The following NELFB variants were observed in gnomAD, a reference collection of about 807,000 sequenced individuals.
NELFB encodes the protein negative elongation factor B.
NELFB carries 34 observed loss-of-function variants against 60.2 expected under a neutral mutation model. That is an observed-to-expected ratio of 0.56 (90% CI 0.43 to 0.75). The LOEUF is 0.75. NELFB is among the 30% of genes least tolerant of loss of function. The probability of loss-of-function intolerance (pLI) is 0.00; values close to 1 mark genes in which losing one functional copy is unlikely to be tolerated. For missense variants in NELFB, 770 were observed against 831.6 expected, an observed-to-expected ratio of 0.93 and a Z score of 0.91; for synonymous variants, 459 against 382.1, an observed-to-expected ratio of 1.20 and a Z score of -2.35.
intron 5 of NELFB, among the ~76,000 whole-genome samples, chr9:137,263,663 G>T (rs943065937): frequency 6.6e-6 from 1 of 151,774 alleles, no homozygotes; most frequent in African/African-American, 2.4e-5. Context: ...CCCTGATGGG[G>T]GAAGGAGGCT....
At chr9:137,256,798 C>G in intron 3 of NELFB, 26 bp from the exon 4 acceptor site, 1 of 1,607,578 alleles carries the variant, frequency 6.2e-7, no homozygotes, top group South Asian at 1.1e-5. Flanking sequence ...AGGTGCCACT[C>G]ACAGGCAGCC....
At chr9:137,256,171 C>A in intron 2 of NELFB, 101 bp downstream of exon 2, 1 of 1,425,802 alleles carries the variant, frequency 7.0e-7, no homozygotes, top group Admixed American at 1.7e-5. Flanking sequence ...CACATCCTTG[C>A]TCCCAGAGGT....
intron 6 of NELFB, among the ~76,000 whole-genome samples, chr9:137,265,065 G>C (rs1830501789): frequency 7.0e-6 from 1 of 142,620 alleles, no homozygotes; most frequent in Non-Finnish European, 1.5e-5. Context: ...CTGAGACAGG[G>C]TCTCTGTCAC....
At chr9:137,267,464 TC>T in intron 10 of NELFB, 118 bp downstream of exon 10, 1 of 666,750 alleles carries the variant, frequency 1.5e-6, no homozygotes, top group Non-Finnish European at 2.5e-6. Context: ...CCAGCCCACC[TC>T]CAACTTTGCT....
At chr9:137,268,829 G>A (rs993311980) in intron 10 of NELFB, among the ~76,000 whole-genome samples, 1 of 152,052 alleles carries the variant, frequency 6.6e-6, no homozygotes, top group African/African-American at 2.4e-5. Context: ...AGAGAGATGA[G>A]AGACAGGTAA....
Position 137,264,322 on chromosome 9 carries a change from CGAT to C in NELFB, c.1007_1009del (p.Asp336del). The C allele has an allele frequency of 6.2e-7, 1 of 1,601,072 alleles. No homozygotes were observed. The highest frequency in any genetic ancestry group is 8.5e-7 in the Non-Finnish European group (1 of 1,175,254). On this transcript the variant is annotated inframe_deletion, in exon 6 of 13. Transcript: ENST00000343053. ...GGGCGCGGGAGCTGCAGGGGTTTCTCGATGGCGTCAAGAAGGGCCAGGAGCAGG... is the reference window on the plus strand; with the variant it reads ...GGGCGCGGGAGCTGCAGGGGTTTCTCGGCGTCAAGAAGGGCCAGGAGCAGG...
At chr9:137,259,636 C>G (rs1026516158) in intron 4 of NELFB, among the ~76,000 whole-genome samples, 2 of 150,588 alleles carry the variant, frequency 1.3e-5, no homozygotes, top group Non-Finnish European at 3.0e-5. Context: ...GGTTGATTCT[C>G]TTTTATTTTT....
chr9:137,260,609 C>T (rs1443793788), intron 4 of NELFB, among the ~76,000 whole-genome samples: 9 of 151,324 alleles, frequency 5.9e-5, no homozygotes, highest in African/African-American at 1.7e-4. Flanking sequence ...CCCACCACCA[C>T]GCCCGACTAA....
At chr9:137,263,572 T>G (rs1830482564) in intron 5 of NELFB, among the ~76,000 whole-genome samples, 1 of 149,904 alleles carries the variant, frequency 6.7e-6, no homozygotes, top group African/African-American at 2.5e-5. Context: ...CGGGACCACC[T>G]GGGCGCCCTT....
Position 137,255,995 on chromosome 9 carries a change from C to G in NELFB, c.335C>G (p.Ser112Trp). Residue 112 changes from serine to tryptophan, a missense_variant, in exon 2 of 13, where the codon TCG becomes TGG. Ser to Trp is a radical substitution (Grantham distance 177). Coordinates refer to ENST00000343053, the MANE Select transcript of NELFB (RefSeq NM_015456.5). ...ACGCCGCGGCTGGAGTTCCACCAGT[C>G]GGTATTCGATGAGCTGCGGGACAAG... The G allele has an allele frequency of 6.2e-7, 1 of 1,613,846 alleles. No homozygotes were observed. The highest frequency in any genetic ancestry group is 8.5e-7 in the Non-Finnish European group (1 of 1,180,002).
chr9:137,256,129 C>A (rs1269441019), intron 2 of NELFB, 59 bp downstream of exon 2: 11 of 1,557,378 alleles, frequency 7.1e-6, no homozygotes, highest in Middle Eastern at 1.7e-4. Flanking sequence ...AGCCTTGGAT[C>A]GACTCAGGGG....
chr9:137,255,563 G>C lies in NELFB; in HGVS notation c.198G>C (p.Glu66Asp), dbSNP rs1165610814. The change falls in exon 1 of 13, where the codon GAG becomes GAC. Residue 66 changes from glutamate to aspartate, a missense_variant. Glu to Asp is a conservative substitution (Grantham distance 45). Transcript: ENST00000343053. The stretch of plus-strand genomic sequence containing the variant: ...TGGCCAACGGCGAGGACCTGAAGGA[G>C]ACCCTGACCAACTGCACGGAGCCGC... 4 of 1,549,900 alleles carry C rather than the reference G, an allele frequency of 2.6e-6. No individual in the cohort carries two copies. In the South Asian group the frequency reaches 4.8e-5, roughly 18 times the overall value.
At chr9:137,270,133 C>T (rs1424190126) in intron 10 of NELFB, among the ~76,000 whole-genome samples, 1 of 152,126 alleles carries the variant, frequency 6.6e-6, no homozygotes, top group African/African-American at 2.4e-5. Context: ...TCTGAGACAT[C>T]ACAGCATGCA....
chr9:137,272,553 C>T lies in NELFB; in HGVS notation c.1678C>T (p.His560Tyr). The change falls in exon 12 of 13, where the codon CAC (histidine) becomes TAC (tyrosine). Residue 560 changes from histidine (H) to tyrosine (Y), a missense_variant. Transcript: ENST00000343053. Reference sequence around the variant, plus strand: ...CGCGCTGCGGCTCCTCATTCACCTGCACCCCAGGGTGGCCCCGTCTAAGCT... The same window carrying T: ...CGCGCTGCGGCTCCTCATTCACCTGTACCCCAGGGTGGCCCCGTCTAAGCT... 6.2e-7 allele frequency: 1 copy of T among 1,612,354 alleles called. No individual in the cohort carries two copies. The highest frequency in any genetic ancestry group is 8.5e-7 in the Non-Finnish European group (1 of 1,179,654).
chr9:137,260,935 T>C (rs1379018844), intron 4 of NELFB, among the ~76,000 whole-genome samples: 1 of 151,654 alleles, frequency 6.6e-6, no homozygotes, highest in African/African-American at 2.4e-5. Flanking sequence ...GGTGTGCGCC[T>C]GTAGTCCCAG....
chr9:137,261,334 G>A (rs1406793227), intron 4 of NELFB, among the ~76,000 whole-genome samples: 24 of 131,580 alleles, frequency 1.8e-4, no homozygotes, highest in Admixed American at 1.3e-3. Flanking sequence ...AGCACGACTC[G>A]GTTTCAAAAA....
intron 3 of NELFB, 111 bp downstream of exon 3, chr9:137,256,539 G>A: frequency 1.1e-6 from 1 of 948,496 alleles, no homozygotes; most frequent in South Asian, 1.4e-5. Flanking sequence ...TGTGCTGCCT[G>A]CCCAAGTGCT....
chr9:137,265,031 C>CTTTTTTTTTTTTTT (rs60479210), intron 6 of NELFB, among the ~76,000 whole-genome samples: 3 of 126,176 alleles, frequency 2.4e-5, no homozygotes, highest in Non-Finnish European at 4.9e-5. Flanking sequence ...TTTTTTCTTC[C>CTTTTTTTTTTTTTT]TTTTTTTTTT....
At chr9:137,268,264 A>G (rs1255248638) in intron 10 of NELFB, among the ~76,000 whole-genome samples, 1 of 152,170 alleles carries the variant, frequency 6.6e-6, no homozygotes, top group Non-Finnish European at 1.5e-5. Context: ...TGCTGCTCTA[A>G]CAGAGACTTG....
Sources: allele counts gnomAD v4.1 joint callset (sites outside exome capture counted in the v4.1 genomes callset), GRCh38; gene constraint gnomAD v4.1.1; transcripts MANE v1.5; gene names NCBI Gene and HGNC (gene_info 2026-07-23, HGNC 2026-07-21).